Variants in KCNN2 observed in about 807,000 individuals in gnomAD.
The protein encoded by KCNN2 is small conductance calcium-activated potassium channel protein 2.
In KCNN2, 24 loss-of-function variants were observed where a neutral mutation model predicts 55.5. The observed-to-expected ratio is 0.43, with a 90% CI of 0.31 to 0.61. The LOEUF (loss-of-function observed/expected upper bound fraction) is 0.61, where lower values mean the gene tolerates loss of function less well. Among genes scored for constraint, KCNN2 ranks in the 20% least tolerant of loss-of-function variants. KCNN2 has a pLI of 0.08. For missense variants in KCNN2, 754 were observed against 853.6 expected (o/e 0.88, Z 1.45); for synonymous variants, 431 against 336.1 (o/e 1.28, Z -3.09).
intron 3 of KCNN2, among the ~76,000 whole-genome samples, chr5:114,444,283 G>A (rs1293735553): frequency 6.6e-6 from 1 of 152,076 alleles, no homozygotes; most frequent in Non-Finnish European, 1.5e-5. Flanking sequence ...GGACCATACA[G>A]CAAGGGATAC....
chr5:114,411,677 C>T (rs557069678), intron 3 of KCNN2, among the ~76,000 whole-genome samples: 23 of 152,090 alleles, frequency 1.5e-4, no homozygotes, highest in African/African-American at 4.6e-4. Context: ...AGAGAGGGGG[C>T]GGGAGAGAGA....
chr5:114,292,252 A>C (rs566347495), intron 2 of KCNN2, among the ~76,000 whole-genome samples: 1 of 152,354 alleles, frequency 6.6e-6, no homozygotes, highest in East Asian at 1.9e-4. Context: ...TGTTTTAGAC[A>C]TGAAGTCCTT....
At chr5:114,392,825 A>T (rs1328776961) in intron 2 of KCNN2, among the ~76,000 whole-genome samples, 3 of 139,480 alleles carry the variant, frequency 2.2e-5, no homozygotes, top group Non-Finnish European at 3.1e-5. Context: ...TTTTTCCTTC[A>T]CTTTGTTACA....
chr5:114,347,869 A>G (rs1214318413), intron 2 of KCNN2, among the ~76,000 whole-genome samples: 1 of 152,148 alleles, frequency 6.6e-6, no homozygotes, highest in African/African-American at 2.4e-5. Flanking sequence ...CCATGAGACA[A>G]TGTTGAACTA....
chr5:114,263,511 C>T (rs535787984), intron 2 of KCNN2, among the ~76,000 whole-genome samples: 4 of 152,030 alleles, frequency 2.6e-5, no homozygotes, highest in African/African-American at 9.7e-5. Context: ...CTCCTTGCCA[C>T]CCTATGGATC....
intron 3 of KCNN2, among the ~76,000 whole-genome samples, chr5:114,450,553 G>T (rs1230796295): frequency 5.3e-5 from 8 of 152,162 alleles, no homozygotes; most frequent in Non-Finnish European, 8.8e-5. Flanking sequence ...AGTATCAGGG[G>T]CTTGAGAATA....
intron 4 of KCNN2, among the ~76,000 whole-genome samples, chr5:114,466,079 TTAAAGCTTAAG>T (rs1456097790): frequency 6.6e-6 from 1 of 152,170 alleles, no homozygotes; most frequent in Non-Finnish European, 1.5e-5. Flanking sequence ...AATATGGGAA[TTAAAGCTTAAG>T]AGACCAAGAT....
intron 1 of KCNN2, among the ~76,000 whole-genome samples, chr5:114,063,271 C>G (rs1561459569): frequency 6.6e-6 from 1 of 152,212 alleles, no homozygotes; most frequent in African/African-American, 2.4e-5. Context: ...TGAGGCTGCT[C>G]TTTGACAGGG....
chr5:114,102,330 A>T (rs1331984931), intron 1 of KCNN2, among the ~76,000 whole-genome samples: 1 of 150,654 alleles, frequency 6.6e-6, no homozygotes, highest in Admixed American at 6.6e-5. Context: ...TAGATTCTGG[A>T]TATTAGCCCT....
At chr5:114,181,355 T>C (rs1005688610) in intron 1 of KCNN2, among the ~76,000 whole-genome samples, 2 of 152,218 alleles carry the variant, frequency 1.3e-5, no homozygotes, top group Non-Finnish European at 2.9e-5. Flanking sequence ...GATGGATAAA[T>C]ATATTGAATA....
chr5:114,213,076 G>A (rs546791722), intron 1 of KCNN2, among the ~76,000 whole-genome samples: 10 of 151,940 alleles, frequency 6.6e-5, no homozygotes, highest in Non-Finnish European at 1.2e-4. Flanking sequence ...TTGAGACCAC[G>A]AAACCAATGG....
chr5:114,109,854 G>T (rs1032382450), intron 1 of KCNN2, among the ~76,000 whole-genome samples: 2 of 152,060 alleles, frequency 1.3e-5, no homozygotes, highest in African/African-American at 4.8e-5. Context: ...CCAGTTCCTG[G>T]GAGGGACTTG....
intron 2 of KCNN2, among the ~76,000 whole-genome samples, chr5:114,371,892 A>G (rs1443065329): frequency 6.6e-6 from 1 of 152,116 alleles, no homozygotes; most frequent in African/African-American, 2.4e-5. Flanking sequence ...CAAAAATGCT[A>G]TATTATGCCG....
intron 1 of KCNN2, among the ~76,000 whole-genome samples, chr5:114,147,419 A>G (rs556661348): frequency 3.3e-5 from 5 of 152,320 alleles, no homozygotes; most frequent in East Asian, 1.9e-4. Flanking sequence ...TCCTAACCCA[A>G]TTGAAGTGAC....
chr5:114,481,499 A>G (rs534767798), intron 5 of KCNN2, among the ~76,000 whole-genome samples: 1 of 152,220 alleles, frequency 6.6e-6, no homozygotes, highest in African/African-American at 2.4e-5. Context: ...TGCTATTCCC[A>G]TTAAACTACC....
intron 2 of KCNN2, among the ~76,000 whole-genome samples, chr5:114,399,090 G>A (rs946160147): frequency 7.9e-5 from 12 of 152,186 alleles, no homozygotes; most frequent in Non-Finnish European, 1.8e-4. Flanking sequence ...TTGAATAGGA[G>A]TGGTAAGAGA....
At chr5:114,329,591 G>A (rs976666340) in intron 2 of KCNN2, among the ~76,000 whole-genome samples, 1 of 152,102 alleles carries the variant, frequency 6.6e-6, no homozygotes, top group Non-Finnish European at 1.5e-5. Flanking sequence ...TGCACTGTTG[G>A]CTTCCTTAGT....
intron 2 of KCNN2, among the ~76,000 whole-genome samples, chr5:114,274,742 C>T (rs1048667285): frequency 3.6e-4 from 54 of 152,098 alleles, no homozygotes; most frequent in African/African-American, 1.0e-3. Flanking sequence ...TGGGATGAGA[C>T]GATGGAGTTT....
chr5:114,194,978 A>G (rs1013725631), intron 1 of KCNN2, among the ~76,000 whole-genome samples: 3 of 151,266 alleles, frequency 2.0e-5, no homozygotes, highest in African/African-American at 7.3e-5. Context: ...TCTTGGCACC[A>G]TTGTGCAAAA....
Sources: allele counts gnomAD v4.1 joint callset (sites outside exome capture counted in the v4.1 genomes callset), GRCh38; gene constraint gnomAD v4.1.1; transcripts MANE v1.5; gene names NCBI Gene and HGNC (gene_info 2026-07-23, HGNC 2026-07-21).